Variants in COMMD10 observed in about 807,000 individuals in gnomAD.
COMMD10 encodes the protein COMM domain containing 10.
A neutral mutation model predicts 28.9 loss-of-function variants in COMMD10; 33 were observed. The ratio of observed to expected loss-of-function variants is 1.14; its 90% CI spans 0.87 to 1.53. COMMD10 has a LOEUF of 1.53. Among genes scored for constraint, COMMD10 ranks in the 40% most tolerant of loss-of-function variants. The pLI, the probability that COMMD10 is intolerant of heterozygous loss-of-function variation, is 0.00. For missense variants in COMMD10, 310 were observed against 233.4 expected (o/e 1.33, Z -2.14); for synonymous variants, 110 against 81.7 (o/e 1.35, Z -1.87).
chr5:116,180,790 A>G (rs184719285), intron 5 of COMMD10, among the ~76,000 whole-genome samples: 9 of 152,234 alleles, frequency 5.9e-5, no homozygotes, highest in South Asian at 2.1e-4. Flanking sequence ...TATATCAGCT[A>G]TTGACGACAT....
intron 5 of COMMD10, among the ~76,000 whole-genome samples, chr5:116,256,793 A>C (rs957856959): frequency 6.6e-6 from 1 of 151,788 alleles, no homozygotes; most frequent in African/African-American, 2.4e-5. Context: ...CATTAAACAA[A>C]GTTTGCATAC....
chr5:116,212,378 C>T (rs1421751087), intron 5 of COMMD10, among the ~76,000 whole-genome samples: 4 of 151,952 alleles, frequency 2.6e-5, no homozygotes, highest in South Asian at 2.1e-4. Context: ...ATATCCAAGC[C>T]AGTGGTAGTC....
At chr5:116,268,634 A>C (rs1196653742) in intron 5 of COMMD10, among the ~76,000 whole-genome samples, 1 of 151,960 alleles carries the variant, frequency 6.6e-6, no homozygotes. Context: ...TCATGCTGCT[A>C]TAAAGACACA....
intron 5 of COMMD10, among the ~76,000 whole-genome samples, chr5:116,218,897 T>G (rs1238474381): frequency 2.6e-5 from 4 of 152,138 alleles, no homozygotes; most frequent in Non-Finnish European, 4.4e-5. Flanking sequence ...TGAATTGTGC[T>G]TCCTCAAAAT....
rs187843838 is a variant in COMMD10, at chr5:116,157,123, A to G, written c.510+22945A>G. On this transcript the variant is annotated intron_variant, in intron 5 of 6. Coordinates refer to ENST00000274458, the MANE Select transcript of COMMD10 (RefSeq NM_016144.4). ...GAAGTTCCTATTTTTTCAGCCACCA[A>G]TAACAATTTTTTAATGAATTTCTAG... is the stretch of plus-strand genomic sequence containing the variant. 1.7e-3 allele frequency among the ~76,000 whole-genome samples: 266 copies of G among 152,268 alleles called. 1 individual carries two copies. The highest frequency in any genetic ancestry group is 6.0e-3 in the African/African-American group (250 of 41,566).
At chr5:116,113,552 A>T (rs941440290) in intron 4 of COMMD10, among the ~76,000 whole-genome samples, 1 of 151,740 alleles carries the variant, frequency 6.6e-6, no homozygotes, top group African/African-American at 2.4e-5. Flanking sequence ...TCATGTTCTG[A>T]AATCTTTTCT....
intron 5 of COMMD10, among the ~76,000 whole-genome samples, chr5:116,206,217 A>G (rs569850396): frequency 1.3e-5 from 2 of 152,342 alleles, no homozygotes; most frequent in East Asian, 3.9e-4. Flanking sequence ...ATTTTAGGCC[A>G]GCGGAACTGT....
chr5:116,095,378 A>G (rs1346964791), intron 4 of COMMD10, among the ~76,000 whole-genome samples: 1 of 152,212 alleles, frequency 6.6e-6, no homozygotes, highest in Non-Finnish European at 1.5e-5. Context: ...AGTATACTGA[A>G]CATGTCTAAG....
chr5:116,248,821 A>T (rs997308450), intron 5 of COMMD10, among the ~76,000 whole-genome samples: 1 of 151,988 alleles, frequency 6.6e-6, no homozygotes. Context: ...AAATATACTG[A>T]CAAAATTGAA....
chr5:116,264,969 T>C lies in COMMD10; in HGVS notation c.511-26548T>C, dbSNP rs115723044. 5.1e-3 allele frequency among the ~76,000 whole-genome samples: 771 copies of C among 151,976 alleles called. 28 individuals carry two copies. The highest frequency in any genetic ancestry group is 0.018 in the African/African-American group (729 of 41,294). On this transcript the variant is annotated intron_variant, in intron 5 of 6. Coordinates refer to ENST00000274458, the MANE Select transcript of COMMD10 (RefSeq NM_016144.4). ...GCTAACATTTAATTTTGTTTTCATGTGTTCTTTGAAAAGAGTAGGGAAAAT... is the reference window on the plus strand; with the variant it reads ...GCTAACATTTAATTTTGTTTTCATGCGTTCTTTGAAAAGAGTAGGGAAAAT...
rs530452669 is a variant in COMMD10, at chr5:116,130,333, A to T, written c.400-3735A>T. Among the ~76,000 whole-genome samples, 8 of 152,060 alleles carry T rather than the reference A, an allele frequency of 5.3e-5. No homozygotes were observed. The East Asian group carries it at 1.5e-3, about 29-fold the overall frequency. On this transcript the variant is annotated intron_variant, in intron 4 of 6. Transcript: ENST00000274458. ...GCAAATAAATACTATATGTTATGAT[A>T]GATGGCAAAAAGCCCTAAGAAAATA...
At chr5:116,181,290 G>T (rs745922936) in intron 5 of COMMD10, among the ~76,000 whole-genome samples, 37 of 151,816 alleles carry the variant, frequency 2.4e-4, no homozygotes, top group Middle Eastern at 3.4e-3. Flanking sequence ...GATAATATGT[G>T]AATTCTAAAT....
At chr5:116,231,098 A>G (rs1749517177) in intron 5 of COMMD10, among the ~76,000 whole-genome samples, 1 of 152,132 alleles carries the variant, frequency 6.6e-6, no homozygotes, top group South Asian at 2.1e-4. Flanking sequence ...TACTCTTAAG[A>G]TGGTTTTGCC....
chr5:116,204,268 T>TA (rs1412380180), intron 5 of COMMD10, among the ~76,000 whole-genome samples: 1 of 152,186 alleles, frequency 6.6e-6, no homozygotes, highest in Non-Finnish European at 1.5e-5. Flanking sequence ...CAAGGAGACT[T>TA]AGACTCCCAC....
intron 4 of COMMD10, among the ~76,000 whole-genome samples, chr5:116,130,554 G>C (rs1378564175): frequency 6.6e-6 from 1 of 151,956 alleles, no homozygotes; most frequent in Non-Finnish European, 1.5e-5. Context: ...AGTGGGTAGT[G>C]AATGAGTCTT....
chr5:116,161,308 A>G (rs1053733668), intron 5 of COMMD10, among the ~76,000 whole-genome samples: 15 of 152,184 alleles, frequency 9.9e-5, no homozygotes, highest in African/African-American at 3.4e-4. Flanking sequence ...AGAATTGACT[A>G]AGATAATGGA....
chr5:116,090,419 T>C (rs1750257996), intron 2 of COMMD10, among the ~76,000 whole-genome samples: 1 of 152,218 alleles, frequency 6.6e-6, no homozygotes, highest in Non-Finnish European at 1.5e-5. Context: ...CAGGTGAACT[T>C]GCATAGCTGG....
At chr5:116,122,673 G>C (rs1246805697) in intron 4 of COMMD10, among the ~76,000 whole-genome samples, 3 of 152,152 alleles carry the variant, frequency 2.0e-5, no homozygotes, top group Non-Finnish European at 4.4e-5. Context: ...GTGGTTTGTA[G>C]TTCTCCTTGA....
At chr5:116,092,835 TA>T (rs1277085475) in intron 4 of COMMD10, 135 bp downstream of exon 4, 5 of 529,780 alleles carry the variant, frequency 9.4e-6, no homozygotes, top group Non-Finnish European at 1.6e-5. Context: ...CTCCTCAACT[TA>T]CAATGGCCTT....
Sources: allele counts gnomAD v4.1 joint callset (sites outside exome capture counted in the v4.1 genomes callset), GRCh38; gene constraint gnomAD v4.1.1; transcripts MANE v1.5; gene names NCBI Gene and HGNC (gene_info 2026-07-23, HGNC 2026-07-21).